MYO1B: variants seen among roughly 807,000 people sequenced by gnomAD.
MYO1B encodes the protein unconventional myosin-Ib.
In MYO1B, 72 loss-of-function variants were observed where a neutral mutation model predicts 159.7. The ratio of observed to expected loss-of-function variants is 0.45; its 90% CI spans 0.37 to 0.55. The LOEUF is 0.55. MYO1B is among the 20% of genes least tolerant of loss of function. MYO1B has a pLI of 0.00. For missense variants in MYO1B, 1,062 were observed against 1,364.8 expected, an observed-to-expected ratio of 0.78 and a Z score of 3.50; for synonymous variants, 468 against 473.8, an observed-to-expected ratio of 0.99 and a Z score of 0.16.
intron 1 of MYO1B, among the ~76,000 whole-genome samples, chr2:191,252,363 C>A (rs190521774): frequency 6.6e-6 from 1 of 152,200 alleles, no homozygotes; most frequent in African/African-American, 2.4e-5. Context: ...CTGTGACATT[C>A]AGGAAGGAAA....
In MYO1B at chr2:191,424,569, G is replaced by A. The variant is rs1698126058; in HGVS notation, c.*609G>A. 1 of 152,074 alleles carries A rather than the reference G, an allele frequency of 6.6e-6. No individual in the cohort carries two copies. Among genetic ancestry groups the A allele is most frequent in the Non-Finnish European group, 1.5e-5 (1 of 67,996 alleles). The allele number at this position is 152,074 out of a possible 1,614,324, so 9.4% of individuals were successfully genotyped here. ...GCTGGTCCTAAGAGGGGGCAGAAATGAATGACCAGGTTAAATCCCTCTACA... is the reference window on the plus strand; with the variant it reads ...GCTGGTCCTAAGAGGGGGCAGAAATAAATGACCAGGTTAAATCCCTCTACA... On this transcript the variant is annotated 3_prime_UTR_variant, in exon 31 of 31. Coordinates refer to ENST00000392318, the MANE Select transcript of MYO1B (RefSeq NM_001130158.3).
At chr2:191,327,258 A>T (rs577864178) in intron 3 of MYO1B, among the ~76,000 whole-genome samples, 11 of 152,336 alleles carry the variant, frequency 7.2e-5, no homozygotes, top group African/African-American at 2.6e-4. Context: ...GGTATTGGTT[A>T]CATTTCATGT....
intron 13 of MYO1B, chr2:191,377,516 C>G (rs1694782795): frequency 6.6e-6 from 1 of 152,096 alleles, no homozygotes; most frequent in Admixed American, 6.6e-5. Flanking sequence ...TCACACAGTT[C>G]TTGACAAACC....
At chr2:191,264,870 G>GT (rs1188165174) in intron 1 of MYO1B, among the ~76,000 whole-genome samples, 14 of 151,690 alleles carry the variant, frequency 9.2e-5, no homozygotes, top group African/African-American at 3.4e-4. Context: ...AATCAACAGC[G>GT]TTGGAAGCTG....
intron 18 of MYO1B, among the ~76,000 whole-genome samples, chr2:191,391,396 G>T (rs1695741875): frequency 2.0e-5 from 3 of 152,190 alleles, no homozygotes; most frequent in Non-Finnish European, 4.4e-5. Context: ...AGAAACTCCA[G>T]ATGTATGGTG....
At chr2:191,252,845 A>G (rs1003023039) in intron 1 of MYO1B, among the ~76,000 whole-genome samples, 6 of 152,138 alleles carry the variant, frequency 3.9e-5, no homozygotes, top group African/African-American at 1.4e-4. Context: ...TTTCATCACC[A>G]TCTTGACTTT....
intron 3 of MYO1B, among the ~76,000 whole-genome samples, chr2:191,300,779 G>A (rs1689279331): frequency 6.6e-6 from 1 of 151,198 alleles, no homozygotes; most frequent in Non-Finnish European, 1.5e-5. Context: ...CTTACATTTG[G>A]AATTTAATTT....
intron 7 of MYO1B, among the ~76,000 whole-genome samples, chr2:191,355,079 G>A (rs1693184927): frequency 6.6e-6 from 1 of 152,176 alleles, no homozygotes; most frequent in South Asian, 2.1e-4. Flanking sequence ...ATATATTGGA[G>A]TTTGTCCTCT....
intron 21 of MYO1B, among the ~76,000 whole-genome samples, chr2:191,397,395 T>C (rs1043123286): frequency 5.4e-5 from 8 of 148,932 alleles, no homozygotes; most frequent in Non-Finnish European, 1.2e-4. Context: ...GTGATGACTC[T>C]TAACGAGCAT....
intron 3 of MYO1B, among the ~76,000 whole-genome samples, chr2:191,317,583 T>C (rs186223353): frequency 2.0e-5 from 3 of 152,348 alleles, no homozygotes; most frequent in East Asian, 3.9e-4. Flanking sequence ...ACCCATTAAC[T>C]TGTCATTTAG....
chr2:191,330,061 G>T, intron 4 of MYO1B, 32 bp downstream of exon 4: 1 of 1,577,872 alleles, frequency 6.3e-7, no homozygotes, highest in Non-Finnish European at 8.7e-7. Flanking sequence ...TCTGCAGAAG[G>T]TAAATGCTGC....
chr2:191,353,249 AGTTT>A lies in MYO1B; in HGVS notation c.562+3028_562+3031del, dbSNP rs534004737. Among the ~76,000 whole-genome samples, 628 of 152,294 alleles carry A rather than the reference AGTTT, an allele frequency of 4.1e-3. 9 individuals are homozygous for A. The highest frequency in any genetic ancestry group is 0.014 in the African/African-American group (573 of 41,554). On this transcript the variant is annotated intron_variant, in intron 7 of 30. Coordinates refer to ENST00000392318, the MANE Select transcript of MYO1B (RefSeq NM_001130158.3). ...GGTGATGTTAAATAATATTTCTCCT[AGTTT>A]GTTAAGGTTTGTTGGTCTGATAACA...
chr2:191,290,738 T>G (rs1432349234), intron 2 of MYO1B, among the ~76,000 whole-genome samples: 1 of 152,232 alleles, frequency 6.6e-6, no homozygotes, highest in Admixed American at 6.5e-5. Flanking sequence ...AATATACAGA[T>G]GTTGCTGCAG....
chr2:191,299,075 G>A (rs532579219), intron 3 of MYO1B, among the ~76,000 whole-genome samples: 31 of 152,258 alleles, frequency 2.0e-4, no homozygotes, highest in African/African-American at 6.7e-4. Context: ...TTCTGGGAAT[G>A]TTTAGATATA....
At chr2:191,307,446 T>C (rs1352771615) in intron 3 of MYO1B, among the ~76,000 whole-genome samples, 1 of 152,260 alleles carries the variant, frequency 6.6e-6, no homozygotes, top group South Asian at 2.1e-4. Flanking sequence ...ATCAGCAAGG[T>C]CTTTATAACC....
At chr2:191,376,704 G>C (rs1206754915) in intron 13 of MYO1B, among the ~76,000 whole-genome samples, 1 of 152,106 alleles carries the variant, frequency 6.6e-6, no homozygotes, top group Non-Finnish European at 1.5e-5. Flanking sequence ...CTTTGTGTTT[G>C]GACTGCTCGC....
At chr2:191,423,791 G>A (rs764612702) in intron 30 of MYO1B, 46 bp from the exon 31 acceptor site, 28 of 1,575,844 alleles carry the variant, frequency 1.8e-5, no homozygotes, top group Non-Finnish European at 2.3e-5. Context: ...TTGTAATCAT[G>A]AGCTGTTTTG....
chr2:191,401,844 C>T (rs1574619254), intron 23 of MYO1B: 1 of 152,192 alleles, frequency 6.6e-6, no homozygotes, highest in East Asian at 1.9e-4. Flanking sequence ...GTGGGTCTTG[C>T]TAAGATTTCT....
Position 191,414,125 on chromosome 2 carries a change from A to C in MYO1B, c.2951A>C (p.Glu984Ala), listed in dbSNP as rs1220222958. The C allele has an allele frequency of 1.2e-6, 2 of 1,613,520 alleles. No individual in the cohort carries two copies. The highest frequency in any genetic ancestry group is 2.2e-5 in the South Asian group (2 of 90,920). The change falls in exon 28 of 31, where the codon GAA becomes GCA. Residue 984 changes from glutamate to alanine, a missense_variant. By Grantham distance (107) the Glu-to-Ala change is moderately radical. This residue lies in a region of MYO1B where 609 missense variants were observed against 744.4 expected (regional missense o/e 0.82). Coordinates refer to ENST00000392318, the MANE Select transcript of MYO1B (RefSeq NM_001130158.3). Reference protein sequence around the residue: ...PKYKKLKDAIEEKIIIAEVVN... With the variant: ...PKYKKLKDAIAEKIIIAEVVN... ...TATAAGAAACTCAAAGATGCCATTG[A>C]AGAAAAGATCATCATTGCTGAAGTC...
Sources: gnomAD v4.1 joint callset for allele counts (sites outside exome capture counted in the v4.1 genomes callset) on GRCh38, gnomAD v4.1.1 for gene constraint, gnomAD v4.1.1 regional missense constraint, MANE v1.5 for transcripts, NCBI Gene and HGNC (gene_info 2026-07-23, HGNC 2026-07-21) for gene names.